The following TCF7L2 variants were observed in gnomAD, a reference collection of about 807,000 sequenced individuals.
The protein encoded by TCF7L2 is transcription factor 7-like 2.
Under a neutral mutation model 77.9 loss-of-function variants are expected in TCF7L2, and 23 were observed. The observed-to-expected ratio is 0.30, with a 90% CI of 0.21 to 0.42. The LOEUF is 0.42. Ranked by LOEUF, TCF7L2 falls within the 10% of genes least tolerant of loss-of-function variation. TCF7L2 has a pLI of 1.00. For synonymous variants in TCF7L2, 413 were observed against 340.2 expected (o/e 1.21, Z -2.36); for missense variants, 654 against 793.1 (o/e 0.82, Z 2.11).
intron 4 of TCF7L2, among the ~76,000 whole-genome samples, chr10:113,029,250 T>C (rs2134024005): frequency 6.6e-6 from 1 of 152,310 alleles, no homozygotes; most frequent in South Asian, 2.1e-4. Context: ...GCCACATGCC[T>C]TGAAACAGTC....
intron 4 of TCF7L2, among the ~76,000 whole-genome samples, chr10:113,033,337 CA>C (rs1345498317): frequency 6.6e-6 from 1 of 151,992 alleles, no homozygotes; most frequent in Non-Finnish European, 1.5e-5. Flanking sequence ...TGGCTTATTG[CA>C]ACCTCTGCCT....
chr10:113,000,213 C>G (rs1029567490), intron 4 of TCF7L2, among the ~76,000 whole-genome samples: 2 of 152,146 alleles, frequency 1.3e-5, no homozygotes, highest in African/African-American at 4.8e-5. Flanking sequence ...GAGTCTCACT[C>G]TGTTTGTTTA....
chr10:113,149,017 C>T (rs577256080), intron 8 of TCF7L2, among the ~76,000 whole-genome samples: 2 of 152,186 alleles, frequency 1.3e-5, no homozygotes, highest in Non-Finnish European at 2.9e-5. Context: ...CTCCCTCTCA[C>T]GTCTGTACAC....
At chr10:113,144,098 G>GTC in intron 7 of TCF7L2, 73 bp downstream of exon 7, 1 of 817,714 alleles carries the variant, frequency 1.2e-6, no homozygotes, top group Non-Finnish European at 1.7e-6. Context: ...CTGTGTGTGT[G>GTC]TCTGTGTGTG....
chr10:113,163,009 TAA>T (rs113088460), intron 13 of TCF7L2, among the ~76,000 whole-genome samples: 25 of 131,998 alleles, frequency 1.9e-4, no homozygotes, highest in Admixed American at 2.3e-4. Context: ...AAAATGTACT[TAA>T]AAAAAAAAAA....
chr10:112,969,439 T>A (rs1301148721), intron 4 of TCF7L2, among the ~76,000 whole-genome samples: 1 of 152,236 alleles, frequency 6.6e-6, no homozygotes, highest in Non-Finnish European at 1.5e-5. Flanking sequence ...AATAAAGTTC[T>A]AGTAACATTC....
chr10:113,133,911 C>CA (rs1280803891), intron 5 of TCF7L2, among the ~76,000 whole-genome samples: 9 of 152,192 alleles, frequency 5.9e-5, no homozygotes, highest in African/African-American at 2.2e-4. Flanking sequence ...GGGGTAGGTT[C>CA]TGCAGCAGCC....
chr10:113,050,642 T>G (rs1245584289), intron 5 of TCF7L2, among the ~76,000 whole-genome samples: 1 of 151,998 alleles, frequency 6.6e-6, no homozygotes, highest in Non-Finnish European at 1.5e-5. Flanking sequence ...AAAAAATTGT[T>G]TTTTTGGAAA....
chr10:112,957,665 A>G (rs1419235603), intron 3 of TCF7L2, among the ~76,000 whole-genome samples: 1 of 152,148 alleles, frequency 6.6e-6, no homozygotes, highest in African/African-American at 2.4e-5. Flanking sequence ...GCTATTAAAA[A>G]GGGATATTGC....
intron 5 of TCF7L2, among the ~76,000 whole-genome samples, chr10:113,044,246 AC>A (rs1356127065): frequency 6.6e-6 from 1 of 152,174 alleles, no homozygotes; most frequent in Non-Finnish European, 1.5e-5. Context: ...GAAAACTCTT[AC>A]GAAATAATGC....
intron 4 of TCF7L2, among the ~76,000 whole-genome samples, chr10:112,985,860 T>TTGTGTGTGTGTGTG (rs61481377): frequency 1.8e-3 from 263 of 146,700 alleles, no homozygotes; most frequent in East Asian, 0.014. Context: ...AGCCTGTAGT[T>TTGTGTGTGTGTGTG]TGTGTGTGTG....
chr10:113,165,492 G>C (rs750006902), intron 13 of TCF7L2, 63 bp from the exon 15 acceptor site: 1 of 1,563,778 alleles, frequency 6.4e-7, no homozygotes. Context: ...GTGAGCATTA[G>C]GTAACTCTCT....
chr10:113,033,720 C>T (rs542942064), intron 4 of TCF7L2, among the ~76,000 whole-genome samples: 36 of 152,280 alleles, frequency 2.4e-4, no homozygotes. Context: ...ATAAAGCCTC[C>T]GTCTTAGGCT....
intron 4 of TCF7L2, among the ~76,000 whole-genome samples, chr10:112,969,966 C>G (rs1429315286): frequency 6.6e-6 from 1 of 152,174 alleles, no homozygotes; most frequent in East Asian, 1.9e-4. Context: ...TGATGAAGGT[C>G]GAGACCCACA....
intron 3 of TCF7L2, among the ~76,000 whole-genome samples, chr10:112,958,484 A>G (rs1266992022): frequency 6.6e-6 from 1 of 151,966 alleles, no homozygotes; most frequent in East Asian, 2.0e-4. Flanking sequence ...AATCACTTGC[A>G]TATTTGTGTA....
chr10:112,975,461 T>C (rs2039227042), intron 4 of TCF7L2, among the ~76,000 whole-genome samples: 1 of 151,970 alleles, frequency 6.6e-6, no homozygotes, highest in African/African-American at 2.4e-5. Context: ...CATTGTAGGG[T>C]GTTTATTTTT....
At chr10:113,091,527 T>C (rs1176620501) in intron 5 of TCF7L2, among the ~76,000 whole-genome samples, 1 of 152,002 alleles carries the variant, frequency 6.6e-6, no homozygotes, top group African/African-American at 2.4e-5. Context: ...TATCAGGAGT[T>C]CAAGACCAGT....
intron 5 of TCF7L2, among the ~76,000 whole-genome samples, chr10:113,140,348 C>G (rs1592213410): frequency 1.3e-5 from 2 of 152,060 alleles, no homozygotes; most frequent in Non-Finnish European, 2.9e-5. Context: ...TTCCCCCCAC[C>G]CTGCCCTCTG....
chr10:113,007,903 T>C (rs1292110242), intron 4 of TCF7L2, among the ~76,000 whole-genome samples: 1 of 152,190 alleles, frequency 6.6e-6, no homozygotes, highest in Non-Finnish European at 1.5e-5. Context: ...CCCCTGACTG[T>C]TCCTGATTTA....
Sources: gnomAD v4.1 joint callset for allele counts (sites outside exome capture counted in the v4.1 genomes callset) on GRCh38, gnomAD v4.1.1 for gene constraint, MANE v1.5 for transcripts, NCBI Gene and HGNC (gene_info 2026-07-23, HGNC 2026-07-21) for gene names.